Variants in CEP128 observed in about 807,000 individuals in gnomAD.
The protein encoded by CEP128 is centrosomal protein 128.
Under a neutral mutation model 156.7 loss-of-function variants are expected in CEP128, and 132 were observed. That is an observed-to-expected ratio of 0.84 (90% CI 0.73 to 0.97). The LOEUF is 0.97. Ranked by LOEUF, CEP128 falls within the 50% of genes least tolerant of loss-of-function variation. The pLI is 0.00. For synonymous variants in CEP128, 469 were observed against 448.9 expected, an observed-to-expected ratio of 1.04 and a Z score of -0.57; for missense variants, 1,252 against 1,281.9, an observed-to-expected ratio of 0.98 and a Z score of 0.36.
chr14:80,770,523 A>T (rs1900460965), intron 16 of CEP128, among the ~76,000 whole-genome samples: 1 of 152,182 alleles, frequency 6.6e-6, no homozygotes, highest in Admixed American at 6.5e-5. Flanking sequence ...GTAAAAGTCA[A>T]GGAGTACTCT....
At chr14:80,838,148 GC>G (rs2140073130) in intron 11 of CEP128, 55 bp downstream of exon 11, 1 of 1,196,652 alleles carries the variant, frequency 8.4e-7, no homozygotes, top group Non-Finnish European at 1.2e-6. Flanking sequence ...TTTAAATAGA[GC>G]TACTCAATCC....
intron 16 of CEP128, among the ~76,000 whole-genome samples, chr14:80,764,071 A>G (rs1366687100): frequency 6.6e-6 from 1 of 152,138 alleles, no homozygotes; most frequent in Admixed American, 6.5e-5. Context: ...ATCCACTACT[A>G]CTTTTCTGTG....
chr14:80,873,624 G>A (rs1888136038), intron 8 of CEP128, among the ~76,000 whole-genome samples: 1 of 152,080 alleles, frequency 6.6e-6, no homozygotes, highest in Non-Finnish European at 1.5e-5. Flanking sequence ...AGGGACCTCA[G>A]TAGAATATTA....
chr14:80,610,140 C>T (rs981121348), intron 19 of CEP128, among the ~76,000 whole-genome samples: 1 of 152,132 alleles, frequency 6.6e-6, no homozygotes, highest in Admixed American at 6.5e-5. Context: ...GAAAGCAGCG[C>T]AGTATGAATC....
chr14:80,945,653 C>G (rs7158944), upstream of CEP128: 152,269 of 152,344 alleles, frequency 1, 76,099 homozygotes, highest in Non-Finnish European at 1. Context: ...TTAAAATGGG[C>G]ACTCAAGCTC....
At chr14:80,832,962 A>C (rs1008538243) in intron 12 of CEP128, among the ~76,000 whole-genome samples, 2 of 152,184 alleles carry the variant, frequency 1.3e-5, no homozygotes. Context: ...TACTCAATTC[A>C]ACCACTGTAT....
intron 19 of CEP128, among the ~76,000 whole-genome samples, chr14:80,587,158 T>G (rs1385538939): frequency 6.6e-6 from 1 of 152,194 alleles, no homozygotes; most frequent in Non-Finnish European, 1.5e-5. Flanking sequence ...GTAAACTGCT[T>G]TTAGACATCA....
rs567580163 is a variant in CEP128 at position 80,589,847 on chromosome 14, A to G, written c.2807-9424T>C. Among the ~76,000 whole-genome samples the G allele has an allele frequency of 7.9e-5, 12 of 152,260 alleles. No individual in the cohort carries two copies. In the East Asian group the frequency reaches 2.1e-3, roughly 27 times the overall value. ...TTTTTAAAATAATGACAACATCTAT[A>G]AGAAACTAGTTAATAACTCTCTGAC... is the stretch of plus-strand genomic sequence containing the variant. On this transcript the variant is annotated intron_variant, in intron 19 of 24. Coordinates refer to ENST00000555265, the MANE Select transcript of CEP128 (RefSeq NM_152446.5).
intron 19 of CEP128, among the ~76,000 whole-genome samples, chr14:80,680,849 T>C (rs143184761): frequency 1.2e-4 from 18 of 152,250 alleles, no homozygotes; most frequent in Non-Finnish European, 1.3e-4. Flanking sequence ...GGGGGACCTG[T>C]ATGCAGGCCT....
intron 8 of CEP128, among the ~76,000 whole-genome samples, chr14:80,877,969 A>G (rs1380467883): frequency 1.3e-5 from 2 of 151,764 alleles, no homozygotes; most frequent in Non-Finnish European, 2.9e-5. Context: ...TGGGTACCTC[A>G]GACCTCCTAC....
intron 19 of CEP128, among the ~76,000 whole-genome samples, chr14:80,602,896 G>C (rs555532903): frequency 7.2e-5 from 11 of 152,198 alleles, no homozygotes; most frequent in African/African-American, 2.6e-4. Context: ...CAAATGCATA[G>C]AAATTAAAAA....
At chr14:80,537,244 C>A (rs957575089) in intron 21 of CEP128, among the ~76,000 whole-genome samples, 12 of 152,052 alleles carry the variant, frequency 7.9e-5, no homozygotes, top group Admixed American at 2.0e-4. Context: ...CTTATTTCTA[C>A]ATGTAAGTGA....
intron 19 of CEP128, among the ~76,000 whole-genome samples, chr14:80,692,739 C>T (rs1896760681): frequency 6.6e-6 from 1 of 152,102 alleles, no homozygotes; most frequent in African/African-American, 2.4e-5. Context: ...TCTAAGAATC[C>T]TGCTACATTT....
intron 19 of CEP128, among the ~76,000 whole-genome samples, chr14:80,663,321 T>C (rs1450004999): frequency 1.3e-5 from 2 of 152,182 alleles, no homozygotes; most frequent in African/African-American, 2.4e-5. Context: ...GGATGGAGGC[T>C]AATGTCACAT....
Position 80,937,096 on chromosome 14 carries a change from T to C in CEP128, c.-16+2289A>G, listed in dbSNP as rs182580804. 1.2e-3 allele frequency among the ~76,000 whole-genome samples: 178 copies of C among 152,266 alleles called. 1 individual carries two copies. The highest frequency in any genetic ancestry group is 4.0e-3 in the African/African-American group (168 of 41,558). ...ATTTTGGGAGGCCAAGGTAGGAGGATTGCTTGAGCCCAAGCGTTCGAGATG... is the reference window on the plus strand; with the variant it reads ...ATTTTGGGAGGCCAAGGTAGGAGGACTGCTTGAGCCCAAGCGTTCGAGATG... On this transcript the variant is annotated intron_variant, in intron 2 of 24. Coordinates refer to ENST00000555265, the MANE Select transcript of CEP128 (RefSeq NM_152446.5).
chr14:80,748,274 G>A (rs950640239), intron 18 of CEP128, among the ~76,000 whole-genome samples: 1 of 152,160 alleles, frequency 6.6e-6, no homozygotes, highest in Non-Finnish European at 1.5e-5. Context: ...ACTTCCATGT[G>A]AATACAGAAC....
At chr14:80,832,027 T>C (rs1885829492) in intron 12 of CEP128, among the ~76,000 whole-genome samples, 1 of 152,170 alleles carries the variant, frequency 6.6e-6, no homozygotes, top group Admixed American at 6.6e-5. Context: ...GGCAGCTCTT[T>C]CCATGCTGTT....
At chr14:80,607,140 T>A (rs955721625) in intron 19 of CEP128, among the ~76,000 whole-genome samples, 12 of 152,050 alleles carry the variant, frequency 7.9e-5, no homozygotes, top group African/African-American at 2.9e-4. Flanking sequence ...AGAGAAAGCC[T>A]TTGATATTGT....
chr14:80,526,607 C>G (rs942554134), intron 23 of CEP128: 1 of 261,132 alleles, frequency 3.8e-6, no homozygotes, highest in Non-Finnish European at 7.3e-6. Context: ...GGCTCTTAAG[C>G]AGCACCAGTT....
Sources: allele counts gnomAD v4.1 joint callset (sites outside exome capture counted in the v4.1 genomes callset), GRCh38; gene constraint gnomAD v4.1.1; transcripts MANE v1.5; gene names NCBI Gene and HGNC (gene_info 2026-07-23, HGNC 2026-07-21).